SLC35A5: variants seen among roughly 807,000 people sequenced by gnomAD.
The protein encoded by SLC35A5 is UDP-sugar transporter protein SLC35A5.
In SLC35A5, 28 loss-of-function variants were observed where a neutral mutation model predicts 36.3. The observed-to-expected ratio is 0.77, with a 90% CI of 0.57 to 1.06. The LOEUF is 1.06. Ranked by LOEUF, SLC35A5 falls within the 50% of genes least tolerant of loss-of-function variation. SLC35A5 has a pLI of 0.00. For missense variants in SLC35A5, 521 were observed against 499.3 expected (o/e 1.04, Z -0.41); for synonymous variants, 180 against 173.7 (o/e 1.04, Z -0.29).
At chr3:112,562,647 A>T (rs1319782809) in intron 1 of SLC35A5, among the ~76,000 whole-genome samples, 1 of 152,220 alleles carries the variant, frequency 6.6e-6, no homozygotes, top group Non-Finnish European at 1.5e-5. Flanking sequence ...AGTGTTTCAG[A>T]TATTTCCATT....
Position 112,581,335 on chromosome 3 carries a change from G to T in SLC35A5, c.1209+9G>T, listed in dbSNP as rs369671016. The T allele has an allele frequency of 3.3e-5, 52 of 1,572,770 alleles. No homozygotes were observed. In the African/African-American group the frequency reaches 6.0e-4, roughly 18 times the overall value. ...GGGAGCGTTCCAGTGGGGTAAGTTT[G>T]TGAGGGTGTTCCTTTTTGCTTGTTC... is the stretch of plus-strand genomic sequence containing the variant. On this transcript the variant is annotated intron_variant, in intron 6 of 6. Coordinates refer to ENST00000492406, the MANE Select transcript of SLC35A5 (RefSeq NM_017945.5).
Position 112,581,452 on chromosome 3 carries a change from C to T in SLC35A5, c.1209+126C>T, listed in dbSNP as rs182497745. The T allele has an allele frequency of 3.1e-4, 304 of 975,946 alleles. 4 individuals carry two copies. The East Asian group carries it at 6.5e-3, about 21-fold the overall frequency. The allele number at this position is 975,946 out of a possible 1,614,324, so 60.5% of individuals were successfully genotyped here. On this transcript the variant is annotated intron_variant, in intron 6 of 6. Coordinates refer to ENST00000492406, the MANE Select transcript of SLC35A5 (RefSeq NM_017945.5). ...GTATTGGATCTCTGACTTTTAAAACCGAATCAACAAACATTCCTTTTACTC... is the reference window on the plus strand; with the variant it reads ...GTATTGGATCTCTGACTTTTAAAACTGAATCAACAAACATTCCTTTTACTC...
In SLC35A5 at chr3:112,571,179, T is replaced by C. The variant is rs866812908; in HGVS notation, c.360+509T>C. On this transcript the variant is annotated intron_variant, in intron 4 of 6. Transcript: ENST00000492406. ...TTCTTCAAGGGTAGGGATCATGTCC[T>C]CCCAACTAGAAATGCCATCTATAAC... 7.9e-5 allele frequency among the ~76,000 whole-genome samples: 12 copies of C among 152,340 alleles called. No individual in the cohort carries two copies. The Middle Eastern group carries it at 0.01, about 130-fold the overall frequency.
rs1935010821 is a variant in SLC35A5, at chr3:112,583,188, T to A, written c.*452T>A. The A allele has an allele frequency of 2.5e-6, 1 of 398,010 alleles. No homozygotes were observed. Among genetic ancestry groups the A allele is most frequent in the African/African-American group, 2.1e-5 (1 of 48,552 alleles). The allele number at this position is 398,010 out of a possible 1,614,324, so 24.7% of individuals were successfully genotyped here. On this transcript the variant is annotated 3_prime_UTR_variant, in exon 7 of 7. Coordinates refer to ENST00000492406, the MANE Select transcript of SLC35A5 (RefSeq NM_017945.5). ...CTCTTGAATTTTGAGGCCCTAGAGA[T>A]AGTCATTTTGCAAGTAAAGAGCAAC... is the stretch of plus-strand genomic sequence containing the variant.
At position 112,581,427 on chromosome 3, in the gene SLC35A5, G is replaced by A. The variant is rs897301098; in HGVS notation, c.1209+101G>A. The A allele has an allele frequency of 3.3e-6, 4 of 1,198,646 alleles. No individual in the cohort carries two copies. In the Admixed American group the frequency reaches 8.0e-5, roughly 24 times the overall value. 74.3% of individuals were successfully genotyped at this position (1,198,646 alleles called of 1,614,324 possible). A position where few individuals can be genotyped will look rare whatever the true frequency, so the allele number is the denominator to read the frequency against. ...AATCAGTACTGATTTGTCAAAGAAT[G>A]TATTGGATCTCTGACTTTTAAAACC... On this transcript the variant is annotated intron_variant, in intron 6 of 6. Coordinates refer to ENST00000492406, the MANE Select transcript of SLC35A5 (RefSeq NM_017945.5).
chr3:112,572,489 AT>A (rs1254901910), intron 4 of SLC35A5, among the ~76,000 whole-genome samples: 1 of 152,152 alleles, frequency 6.6e-6, no homozygotes, highest in Non-Finnish European at 1.5e-5. Flanking sequence ...CCCCAACAAA[AT>A]TATGCAAATT....
chr3:112,581,087 C>T lies in SLC35A5; in HGVS notation c.970C>T (p.Leu324=). 6.2e-7 allele frequency: 1 copy of T among 1,613,982 alleles called. No homozygotes were observed. Among genetic ancestry groups the T allele is most frequent in the Non-Finnish European group, 8.5e-7 (1 of 1,179,950 alleles). ...AFQGLSVAFI[L]KFLDNMFHVL... is the part of the protein sequence containing the mutation. ...CCAGGGCCTTTCAGTGGCTTTCATT[C>T]TGAAGTTCCTGGATAACATGTTCCA... The change falls in exon 6 of 7, where the codon CTG becomes TTG. Residue 324 remains leucine, a synonymous_variant. Coordinates refer to ENST00000492406, the MANE Select transcript of SLC35A5 (RefSeq NM_017945.5).
rs754196342 is a variant in SLC35A5, at chr3:112,581,326, G to A, written c.1209G>A (p.Gly403=). 1.0e-5 allele frequency: 16 copies of A among 1,589,662 alleles called. No homozygotes were observed. The Admixed American group carries it at 2.7e-4, about 27-fold the overall frequency. ...LSGNLWERSS[G]DGEELERLTK... The stretch of plus-strand genomic sequence containing the variant: ...GCAATCTTTGGGAGCGTTCCAGTGG[G>A]GTAAGTTTGTGAGGGTGTTCCTTTT... Residue 403 remains glycine (G), a splice_region_variant and synonymous_variant, in exon 6 of 7, where the codon GGG becomes GGA. Transcript: ENST00000492406.
At chr3:112,571,219 A>G (rs1262248855) in intron 4 of SLC35A5, among the ~76,000 whole-genome samples, 2 of 152,220 alleles carry the variant, frequency 1.3e-5, no homozygotes, top group Non-Finnish European at 2.9e-5. Context: ...AATGCTGGAA[A>G]TACTTCTCAT....
chr3:112,571,613 G>A (rs1464909591), intron 4 of SLC35A5, among the ~76,000 whole-genome samples: 7 of 152,132 alleles, frequency 4.6e-5, no homozygotes, highest in East Asian at 3.9e-4. Flanking sequence ...TTTAATGGAC[G>A]CACAGTTCCA....
Position 112,570,626 on chromosome 3 carries a change from C to G in SLC35A5, c.316C>G (p.Leu106Val). ...GTCCATTCCTGCCTTTCTTTATTTCCTGGATAACTTGATTGTCTTCTATGT... is the reference window on the plus strand; with the variant it reads ...GTCCATTCCTGCCTTTCTTTATTTCGTGGATAACTTGATTGTCTTCTATGT... ...KWSIPAFLYF[L>V]DNLIVFYVLS... The change falls in exon 4 of 7, where the codon CTG becomes GTG. Residue 106 changes from leucine to valine, a missense_variant. Physicochemically the swap from Leu to Val is conservative, Grantham distance 32. Coordinates refer to ENST00000492406, the MANE Select transcript of SLC35A5 (RefSeq NM_017945.5). The G allele has an allele frequency of 6.2e-7, 1 of 1,611,600 alleles. No homozygotes were observed. Among genetic ancestry groups the G allele is most frequent in the African/African-American group, 1.3e-5 (1 of 74,824 alleles).
intron 4 of SLC35A5, 48 bp downstream of exon 4, chr3:112,570,718 TA>T: frequency 6.8e-7 from 1 of 1,480,228 alleles, no homozygotes; most frequent in Middle Eastern, 1.9e-4. Flanking sequence ...TACAGAGAAA[TA>T]AATCCCAGAA....
chr3:112,569,866 A>G (rs1231362021), intron 3 of SLC35A5, among the ~76,000 whole-genome samples: 1 of 152,178 alleles, frequency 6.6e-6, no homozygotes, highest in East Asian at 1.9e-4. Context: ...ATATACCTTC[A>G]CACATGAGGT....
chr3:112,569,006 T>G (rs1261223080), intron 2 of SLC35A5, among the ~76,000 whole-genome samples, 165 bp from the exon 3 acceptor site: 1 of 152,194 alleles, frequency 6.6e-6, no homozygotes, highest in Non-Finnish European at 1.5e-5. Flanking sequence ...GCTAATACAT[T>G]AGGTGAATTG....
chr3:112,561,353 C>G (rs1933867968), upstream of SLC35A5: 2 of 1,230,502 alleles, frequency 1.6e-6, no homozygotes, highest in Non-Finnish European at 2.3e-6. Context: ...CTACTGCCTT[C>G]CTACACCTTG....
At chr3:112,563,324 A>G (rs868458520) in intron 1 of SLC35A5, 61 bp from the exon 2 acceptor site, 81 of 1,355,600 alleles carry the variant, frequency 6.0e-5, no homozygotes, top group Middle Eastern at 3.9e-4. Context: ...CTCACGATCA[A>G]TGGTATTTGC....
intron 6 of SLC35A5, among the ~76,000 whole-genome samples, chr3:112,582,464 A>G (rs1426709356): frequency 6.6e-6 from 1 of 152,120 alleles, no homozygotes; most frequent in Non-Finnish European, 1.5e-5. Context: ...GTTAGCTTTG[A>G]AATTTTGAGT....
In SLC35A5 at chr3:112,570,523, C is replaced by T. The variant is rs746490979; in HGVS notation, c.230-17C>T. 2.5e-6 allele frequency: 4 copies of T among 1,601,190 alleles called. No homozygotes were observed. The highest frequency in any genetic ancestry group is 1.7e-5 in the Admixed American group (1 of 57,258). On this transcript the variant is annotated splice_polypyrimidine_tract_variant and intron_variant, in intron 3 of 6. Coordinates refer to ENST00000492406, the MANE Select transcript of SLC35A5 (RefSeq NM_017945.5). The stretch of plus-strand genomic sequence containing the variant: ...GGCATTCTCATCAAGGTCATTTACA[C>T]CGTGTTTCTTTCTAAGATCATCAAA...
At chr3:112,563,774 G>A (rs565314547) in intron 2 of SLC35A5, among the ~76,000 whole-genome samples, 5 of 152,204 alleles carry the variant, frequency 3.3e-5, no homozygotes, top group Admixed American at 1.3e-4. Context: ...AGAACCAGTC[G>A]TAACATTTGA....
Sources: gnomAD v4.1 joint callset for allele counts (sites outside exome capture counted in the v4.1 genomes callset) on GRCh38, gnomAD v4.1.1 for gene constraint, MANE v1.5 for transcripts, NCBI Gene and HGNC (gene_info 2026-07-23, HGNC 2026-07-21) for gene names.